PSD4: variants seen among roughly 807,000 people sequenced by gnomAD.
PSD4 encodes the protein PH and SEC7 domain-containing protein 4.
A neutral mutation model predicts 112.5 loss-of-function variants in PSD4; 59 were observed. The observed-to-expected ratio is 0.52, with a 90% CI of 0.43 to 0.65. The LOEUF (loss-of-function observed/expected upper bound fraction) is 0.65, where lower values mean the gene tolerates loss of function less well. PSD4 is among the 30% of genes least tolerant of loss of function. The pLI is 0.00. For missense variants in PSD4, 1,267 were observed against 1,352.6 expected, an observed-to-expected ratio of 0.94 and a Z score of 0.99; for synonymous variants, 533 against 540.0, an observed-to-expected ratio of 0.99 and a Z score of 0.18.
At chr2:113,192,769 C>A (rs148932200) in intron 6 of PSD4, among the ~76,000 whole-genome samples, 180 bp downstream of exon 6, 395 of 152,290 alleles carry the variant, frequency 2.6e-3, no homozygotes, top group Non-Finnish European at 4.7e-3. Flanking sequence ...AGTCATGGTC[C>A]TCATGCTCTC....
chr2:113,199,282 T>C, intron 16 of PSD4, 56 bp downstream of exon 16: 1 of 1,383,600 alleles, frequency 7.2e-7, no homozygotes, highest in Non-Finnish European at 9.3e-7. Flanking sequence ...CGCCCTCTCG[T>C]GGCCGCCTCG....
chr2:113,195,397 A>G (rs1371449455), intron 10 of PSD4, among the ~76,000 whole-genome samples: 1 of 152,042 alleles, frequency 6.6e-6, no homozygotes, highest in Non-Finnish European at 1.5e-5. Context: ...CCTGACTTCA[A>G]GTGATCCACC....
rs926531817 is a variant in PSD4, at chr2:113,204,859, T to G, written c.*3444T>G. ...GGTTGGAAGGAGCAGGACTGGAGGGTCGGGGTGAGGGGGGCAGAGGGAAAC... is the reference window on the plus strand; with the variant it reads ...GGTTGGAAGGAGCAGGACTGGAGGGGCGGGGTGAGGGGGGCAGAGGGAAAC... On this transcript the variant is annotated 3_prime_UTR_variant, in exon 17 of 17. Coordinates refer to ENST00000245796, the MANE Select transcript of PSD4 (RefSeq NM_012455.3). 6.6e-6 allele frequency: 1 copy of G among 151,198 alleles called. No homozygotes were observed. Among genetic ancestry groups the G allele is most frequent in the Non-Finnish European group, 1.5e-5 (1 of 67,874 alleles). The allele number at this position is 151,198 out of a possible 1,614,324, so 9.4% of individuals were successfully genotyped here.
Position 113,182,601 on chromosome 2 carries a change from C to A in PSD4, c.145C>A (p.Gln49Lys). The change falls in exon 2 of 17, where the codon CAA (glutamine) becomes AAA (lysine). Residue 49 changes from glutamine to lysine, a missense_variant. This residue lies in a region of PSD4 where 723 missense variants were observed against 704.0 expected (regional missense o/e 1.03). Transcript: ENST00000245796. ...GGATCCACCGGAGCCTTTCGAGGAG[C>A]AAACCTGGGCCACTGACCCTCCTGA... is the stretch of plus-strand genomic sequence containing the variant. ...HEDPPEPFEEQTWATDPPEPT... is the reference protein window; with the variant it reads ...HEDPPEPFEEKTWATDPPEPT... The A allele has an allele frequency of 6.2e-7, 1 of 1,614,138 alleles. No homozygotes were observed. The highest frequency in any genetic ancestry group is 2.2e-5 in the East Asian group (1 of 44,858).
chr2:113,199,045 C>T (rs1032489702), intron 15 of PSD4, 38 bp from the exon 16 acceptor site: 1 of 1,512,618 alleles, frequency 6.6e-7, no homozygotes. Flanking sequence ...GCGGAGGGGA[C>T]GCCCGGGACA....
rs1688600416 is a variant in PSD4, at chr2:113,196,077, G to A, written c.2226-70G>A. ...GGAAAAGAGAGGTTGCTAAGGCTCT[G>A]GGAGGCAATGGATACCTCCCAGTTC... On this transcript the variant is annotated intron_variant, in intron 11 of 16. Transcript: ENST00000245796. 1.9e-6 allele frequency: 3 copies of A among 1,543,732 alleles called. No homozygotes were observed. In the African/African-American group the frequency reaches 4.1e-5, roughly 21 times the overall value.
At chr2:113,199,873 T>C (rs1573380190) in intron 16 of PSD4, among the ~76,000 whole-genome samples, 1 of 152,248 alleles carries the variant, frequency 6.6e-6, no homozygotes, top group Non-Finnish European at 1.5e-5. Context: ...TCGCCCAGGC[T>C]GGAGTGCAGT....
At chr2:113,184,049 A>G (rs140439140) in intron 2 of PSD4, among the ~76,000 whole-genome samples, 2 of 152,350 alleles carry the variant, frequency 1.3e-5, no homozygotes, top group Non-Finnish European at 2.9e-5. Context: ...TCAGGCCCAT[A>G]TGACAATGGC....
Position 113,182,940 on chromosome 2 carries a change from C to A in PSD4, c.484C>A (p.Gln162Lys). The change falls in exon 2 of 17, where the codon CAG (glutamine) becomes AAG (lysine). Residue 162 changes from glutamine to lysine, a missense_variant. Gln to Lys is a moderately conservative substitution (Grantham distance 53). Transcript: ENST00000245796. ...GGTAGTGTTCTGGGCAGGCATCCTG[C>A]AGGCCCAGATGTGTGTCCTAGACCT... The part of the protein sequence containing the change: ...TQVVFWAGIL[Q>K]AQMCVLDLEE... 1 of 1,614,218 alleles carries A rather than the reference C, an allele frequency of 6.2e-7. No individual in the cohort carries two copies. The highest frequency in any genetic ancestry group is 1.1e-5 in the South Asian group (1 of 91,084).
chr2:113,195,944 C>T (rs772089407), intron 11 of PSD4, among the ~76,000 whole-genome samples, 174 bp downstream of exon 11: 13 of 152,014 alleles, frequency 8.6e-5, no homozygotes, highest in African/African-American at 9.7e-5. Context: ...CAAGTAATAC[C>T]GGAGGGCCAG....
At position 113,183,159 on chromosome 2, in the gene PSD4, C is replaced by T. The variant is rs977994016; in HGVS notation, c.703C>T (p.Pro235Ser). 1.4e-5 allele frequency: 22 copies of T among 1,614,082 alleles called. No individual in the cohort carries two copies. Among genetic ancestry groups the T allele is most frequent in the Admixed American group, 1.2e-4 (7 of 60,006 alleles). The change falls in exon 2 of 17, where the codon CCA (proline) becomes TCA (serine). Residue 235 changes from proline to serine, a missense_variant. Around this residue, in one of 2 missense-constraint regions of PSD4, gnomAD observed 723 missense variants for 704.0 expected, o/e 1.03. Coordinates refer to ENST00000245796, the MANE Select transcript of PSD4 (RefSeq NM_012455.3). ...GAGAGAGGGAACCCCAGACTCTTCC[C>T]CACAGTGGGGAGCTGAGGAGGAGAG... ...WLREGTPDSS[P>S]QWGAEEESMF... is the part of the protein sequence containing the mutation.
At chr2:113,197,127 G>C (rs1688635396) in intron 12 of PSD4, 1 of 266,912 alleles carries the variant, frequency 3.7e-6, no homozygotes, top group Non-Finnish European at 7.4e-6. Flanking sequence ...GGGGTACACA[G>C]GGAAGGGCAC....
chr2:113,195,831 T>C (rs987021070), intron 11 of PSD4, 61 bp downstream of exon 11: 120 of 1,599,804 alleles, frequency 7.5e-5, no homozygotes, highest in Non-Finnish European at 9.6e-5. Context: ...TGGACTGTCC[T>C]CCCTCTGTCA....
In PSD4 at chr2:113,182,494, C is replaced by T. The variant is rs751821113; in HGVS notation, c.38C>T (p.Pro13Leu). 6 of 1,614,004 alleles carry T rather than the reference C, an allele frequency of 3.7e-6. No homozygotes were observed. In the Admixed American group the frequency reaches 8.3e-5, roughly 22 times the overall value. The change falls in exon 2 of 17, where the codon CCC becomes CTC. Residue 13 changes from proline to leucine, a missense_variant. By Grantham distance (98) the Pro-to-Leu change is moderately conservative. Around this residue, in one of 2 missense-constraint regions of PSD4, gnomAD observed 723 missense variants for 704.0 expected, o/e 1.03. Coordinates refer to ENST00000245796, the MANE Select transcript of PSD4 (RefSeq NM_012455.3). ...TACAGACTCCCTGACCACCCCCAGC[C>T]CATGGAAATTCTCAACCTGTACTTG... Reference protein sequence around the residue: ...GDYRLPDHPQPMEILNLYLGD... With the variant: ...GDYRLPDHPQLMEILNLYLGD...
At chr2:113,177,828 C>T (rs1573347234) in intron 1 of PSD4, among the ~76,000 whole-genome samples, 1 of 152,166 alleles carries the variant, frequency 6.6e-6, no homozygotes, top group Non-Finnish European at 1.5e-5. Flanking sequence ...ACTAGAACCA[C>T]GCGGGTAAAC....
intron 1 of PSD4, among the ~76,000 whole-genome samples, chr2:113,174,840 C>A (rs1202436860): frequency 6.6e-6 from 1 of 152,190 alleles, no homozygotes; most frequent in African/African-American, 2.4e-5. Context: ...CCCCCTTATT[C>A]CAGGGCCTAA....
chr2:113,188,098 C>T (rs781549488), intron 5 of PSD4, among the ~76,000 whole-genome samples: 9 of 151,810 alleles, frequency 5.9e-5, no homozygotes, highest in South Asian at 2.1e-4. Flanking sequence ...GAGAATTACT[C>T]GAAAAATCAA....
chr2:113,175,200 G>GTC, intron 1 of PSD4: 4 of 152,776 alleles, frequency 2.6e-5, no homozygotes, highest in Admixed American at 2.6e-4. Flanking sequence ...CCAGGCAGCA[G>GTC]CTGTACTGGG....
chr2:113,196,829 G>C (rs1453518005), intron 12 of PSD4, among the ~76,000 whole-genome samples: 1 of 152,194 alleles, frequency 6.6e-6, no homozygotes, highest in East Asian at 1.9e-4. Context: ...GTGTGTGAAA[G>C]GGAGGTACAC....
Sources: allele counts gnomAD v4.1 joint callset (sites outside exome capture counted in the v4.1 genomes callset), GRCh38; gene constraint gnomAD v4.1.1; regional missense constraint gnomAD v4.1.1; transcripts MANE v1.5; gene names NCBI Gene and HGNC (gene_info 2026-07-23, HGNC 2026-07-21).